The following OR2M3 variants were observed in gnomAD, a reference collection of about 807,000 sequenced individuals.
The protein encoded by OR2M3 is olfactory receptor family 2 subfamily M member 3, also known as olfactory receptor 2M3.
Under a neutral mutation model 4.3 loss-of-function variants are expected in OR2M3, and 1 was observed. The observed-to-expected ratio is 0.23, with a 90% CI of 0.08 to 1.11. The LOEUF is 1.11. OR2M3 is among the 50% of genes most tolerant of loss of function. The pLI, the probability that OR2M3 is intolerant of heterozygous loss-of-function variation, is 0.54. For synonymous variants in OR2M3, 151 were observed against 139.4 expected (o/e 1.08, Z -0.59); for missense variants, 410 against 390.4 (o/e 1.05, Z -0.42).
Position 248,211,029 on chromosome 1 carries a change from A to G in OR2M3, c.*7023A>G, listed in dbSNP as rs1156576295. On this transcript the variant is annotated 3_prime_UTR_variant, in exon 2 of 2. Transcript: ENST00000641626. ...TAAAGTTTTCTGTTTATTCAGTATC[A>G]TAAATGTTGAAGTATGCACCAAGGT... The G allele has an allele frequency of 6.6e-6, 1 of 152,224 alleles. No homozygotes were observed. Among genetic ancestry groups the G allele is most frequent in the African/African-American group, 2.4e-5 (1 of 41,448 alleles). The allele number at this position is 152,224 out of a possible 1,614,324, so 9.4% of individuals were successfully genotyped here.
chr1:248,197,377 T>C (rs1016333846), intron 1 of OR2M3, 76 bp downstream of exon 1: 4 of 152,116 alleles, frequency 2.6e-5, no homozygotes, highest in African/African-American at 9.7e-5. Flanking sequence ...CTGCTGAACA[T>C]GGTGATGATT....
intron 1 of OR2M3, among the ~76,000 whole-genome samples, chr1:248,197,965 AG>A (rs1371546538): frequency 6.6e-6 from 1 of 152,120 alleles, no homozygotes; most frequent in Non-Finnish European, 1.5e-5. Flanking sequence ...AGTGTGAAAA[AG>A]AATCTGAAAT....
At chr1:248,202,660 C>A (rs1666170947) in intron 1 of OR2M3, among the ~76,000 whole-genome samples, 1 of 151,964 alleles carries the variant, frequency 6.6e-6, no homozygotes, top group Non-Finnish European at 1.5e-5. Flanking sequence ...TTCTCCATTT[C>A]TAGTACTGTG....
intron 1 of OR2M3, 64 bp from the exon 2 acceptor site, chr1:248,202,986 C>A: frequency 7.1e-7 from 1 of 1,408,518 alleles, no homozygotes. Context: ...TTACCACAAT[C>A]ACATGATTTA....
At position 248,203,653 on chromosome 1, in the gene OR2M3, G is replaced by GA; in HGVS notation, c.590dup (p.Ile198AspfsTer68). On this transcript the variant is annotated frameshift_variant, in exon 2 of 2. Transcript: ENST00000641626. LOFTEE classifies it low-confidence loss of function (END_TRUNC). The stretch of plus-strand genomic sequence containing the variant: ...CTCATGCAGTGACACATCAATATTT[G>GA]AAAAGATTCTTTTCATCTGCTGTAT... 1 of 1,613,738 alleles carries GA rather than the reference G, an allele frequency of 6.2e-7. No homozygotes were observed. Among genetic ancestry groups the GA allele is most frequent in the South Asian group, 1.1e-5 (1 of 91,054 alleles).
intron 1 of OR2M3, among the ~76,000 whole-genome samples, chr1:248,200,204 T>C (rs187471410): frequency 1.3e-5 from 2 of 152,192 alleles, no homozygotes; most frequent in African/African-American, 4.8e-5. Context: ...ATAGTTTTGT[T>C]TGCATAAATT....
chr1:248,202,326 T>C (rs945422616), intron 1 of OR2M3, among the ~76,000 whole-genome samples: 7 of 152,226 alleles, frequency 4.6e-5, no homozygotes, highest in African/African-American at 1.4e-4. Context: ...TATCAGAACA[T>C]GAGTCATAAC....
In OR2M3 at chr1:248,210,758, A is replaced by T. The variant is rs1397051119; in HGVS notation, c.*6752A>T. On this transcript the variant is annotated 3_prime_UTR_variant, in exon 2 of 2. Coordinates refer to ENST00000641626, the MANE Select transcript of OR2M3 (RefSeq NM_001004689.2). Reference sequence around the variant, plus strand: ...GTGAGATCCACCACCTGCCCCCAAAACATTGCTCCTAACTCCACTGCCTAT... The same window carrying T: ...GTGAGATCCACCACCTGCCCCCAAATCATTGCTCCTAACTCCACTGCCTAT... 6.6e-6 allele frequency: 1 copy of T among 152,188 alleles called. No homozygotes were observed. The highest frequency in any genetic ancestry group is 2.4e-5 in the African/African-American group (1 of 41,416). 9.4% of individuals were successfully genotyped at this position (152,188 alleles called of 1,614,324 possible). A position where few individuals can be genotyped will look rare whatever the true frequency, so the allele number is the denominator to read the frequency against.
Position 248,208,341 on chromosome 1 carries a change from A to G in OR2M3, c.*4335A>G, listed in dbSNP as rs1053759621. On this transcript the variant is annotated 3_prime_UTR_variant, in exon 2 of 2. Coordinates refer to ENST00000641626, the MANE Select transcript of OR2M3 (RefSeq NM_001004689.2). ...GAATTGAGATGTGAGGTACTATTCT[A>G]TACATCGTGCTATTTGTTACCTGAA... The G allele has an allele frequency of 1.3e-5, 2 of 152,112 alleles. No individual in the cohort carries two copies. Among genetic ancestry groups the G allele is most frequent in the Non-Finnish European group, 2.9e-5 (2 of 68,002 alleles). The allele number at this position is 152,112 out of a possible 1,614,324, so 9.4% of individuals were successfully genotyped here.
In OR2M3 at chr1:248,207,891, T is replaced by C. The variant is rs564492688; in HGVS notation, c.*3885T>C. The C allele has an allele frequency of 2.9e-4, 44 of 152,272 alleles. No individual in the cohort carries two copies. Among genetic ancestry groups the C allele is most frequent in the African/African-American group, 9.6e-4 (40 of 41,576 alleles). The allele number at this position is 152,272 out of a possible 1,614,324, so 9.4% of individuals were successfully genotyped here. ...CTTTCTGTCTTAAAGACCTGTCTAGTGCTCTCAGTGGAGTATTGAAGTCCC... is the reference window on the plus strand; with the variant it reads ...CTTTCTGTCTTAAAGACCTGTCTAGCGCTCTCAGTGGAGTATTGAAGTCCC... On this transcript the variant is annotated 3_prime_UTR_variant, in exon 2 of 2. Transcript: ENST00000641626.
At chr1:248,202,762 CT>C (rs1457112451) in intron 1 of OR2M3, among the ~76,000 whole-genome samples, 8 of 104,528 alleles carry the variant, frequency 7.7e-5, no homozygotes, top group East Asian at 4.9e-4. Context: ...CCCTTGGAGA[CT>C]TTAAAAAAAA....
chr1:248,206,383 T>C lies in OR2M3; in HGVS notation c.*2377T>C, dbSNP rs1219863622. ...GGACATCCTTGTCTTGTTCCAGTTC[T>C]CAGGGGGAATGCTTTCCAATTTTCC... On this transcript the variant is annotated 3_prime_UTR_variant, in exon 2 of 2. Transcript: ENST00000641626. The C allele has an allele frequency of 6.6e-6, 1 of 152,126 alleles. No individual in the cohort carries two copies. The allele number at this position is 152,126 out of a possible 1,614,324, so 9.4% of individuals were successfully genotyped here.
At chr1:248,198,815 C>T (rs1002650781) in intron 1 of OR2M3, among the ~76,000 whole-genome samples, 3 of 152,060 alleles carry the variant, frequency 2.0e-5, no homozygotes, top group Non-Finnish European at 4.4e-5. Context: ...GAAATATGAC[C>T]ATGAATTTCA....
chr1:248,212,189 T>A lies in OR2M3; in HGVS notation c.*8183T>A, dbSNP rs568458079. The A allele has an allele frequency of 5.3e-5, 8 of 152,212 alleles. No individual in the cohort carries two copies. Among genetic ancestry groups the A allele is most frequent in the African/African-American group, 1.9e-4 (8 of 41,548 alleles). The allele number at this position is 152,212 out of a possible 1,614,324, so 9.4% of individuals were successfully genotyped here. On this transcript the variant is annotated 3_prime_UTR_variant, in exon 2 of 2. Coordinates refer to ENST00000641626, the MANE Select transcript of OR2M3 (RefSeq NM_001004689.2). Reference sequence around the variant, plus strand: ...TACCTTGAAATAAATAGTGAAACTGTACATGAAACAAGAAGTATACTAATA... The same window carrying A: ...TACCTTGAAATAAATAGTGAAACTGAACATGAAACAAGAAGTATACTAATA...
intron 1 of OR2M3, among the ~76,000 whole-genome samples, chr1:248,198,238 G>A (rs1359009330): frequency 1.3e-5 from 2 of 152,102 alleles, no homozygotes; most frequent in Non-Finnish European, 2.9e-5. Context: ...TTTGTAGGTA[G>A]TCATTATTCC....
Position 248,211,690 on chromosome 1 carries a change from C to T in OR2M3, c.*7684C>T, listed in dbSNP as rs1396158914. The T allele has an allele frequency of 6.6e-6, 1 of 151,490 alleles. No homozygotes were observed. The highest frequency in any genetic ancestry group is 2.4e-5 in the African/African-American group (1 of 41,214). The allele number at this position is 151,490 out of a possible 1,614,324, so 9.4% of individuals were successfully genotyped here. On this transcript the variant is annotated 3_prime_UTR_variant, in exon 2 of 2. Transcript: ENST00000641626. ...CAGGGGCCTGCTAATCTCTCAGGGC[C>T]CATGCGAAATCTATCTCAATCAAAA...
rs904577259 is a variant in OR2M3, at chr1:248,212,924, G to A, written c.*8918G>A. The A allele has an allele frequency of 2.6e-5, 4 of 151,386 alleles. No individual in the cohort carries two copies. The highest frequency in any genetic ancestry group is 5.9e-5 in the Non-Finnish European group (4 of 67,866). The allele number at this position is 151,386 out of a possible 1,614,324, so 9.4% of individuals were successfully genotyped here. On this transcript the variant is annotated 3_prime_UTR_variant, in exon 2 of 2. Transcript: ENST00000641626. ...TTATAAAGGATTATATATCTGTTGT[G>A]GGTGTGAATTATCTAGTATACATTT...
intron 1 of OR2M3, 51 bp from the exon 2 acceptor site, chr1:248,202,999 A>G (rs1666174143): frequency 6.8e-7 from 1 of 1,473,000 alleles, no homozygotes; most frequent in Admixed American, 1.9e-5. Flanking sequence ...ATGATTTATA[A>G]GGCACTGAGT....
Position 248,210,361 on chromosome 1 carries a change from C to T in OR2M3, c.*6355C>T, listed in dbSNP as rs1010623950. 6.5e-6 allele frequency: 1 copy of T among 152,922 alleles called. No homozygotes were observed. The highest frequency in any genetic ancestry group is 1.5e-5 in the Non-Finnish European group (1 of 68,560). The allele number at this position is 152,922 out of a possible 1,614,324, so 9.5% of individuals were successfully genotyped here. A position where few individuals can be genotyped will look rare whatever the true frequency, so the allele number is the denominator to read the frequency against. On this transcript the variant is annotated 3_prime_UTR_variant, in exon 2 of 2. Coordinates refer to ENST00000641626, the MANE Select transcript of OR2M3 (RefSeq NM_001004689.2). The stretch of plus-strand genomic sequence containing the variant: ...TTCCTTCAAAGGATCTGTGGATTCT[C>T]TCAGCTTTCCTGGTATGTTACTGCA...
Sources: gnomAD v4.1 joint callset for allele counts (sites outside exome capture counted in the v4.1 genomes callset) on GRCh38, gnomAD v4.1.1 for gene constraint, MANE v1.5 for transcripts, NCBI Gene and HGNC (gene_info 2026-07-23, HGNC 2026-07-21) for gene names.